The following SGMS1 variants were observed in gnomAD, a reference collection of about 807,000 sequenced individuals.
SGMS1 encodes phosphatidylcholine:ceramide cholinephosphotransferase 1.
In SGMS1, 13 loss-of-function variants were observed where a neutral mutation model predicts 46.2. The observed-to-expected ratio is 0.28, with a 90% CI of 0.18 to 0.45. The LOEUF (loss-of-function observed/expected upper bound fraction) is 0.45, where lower values mean the gene tolerates loss of function less well. Among genes scored for constraint, SGMS1 ranks in the 20% least tolerant of loss-of-function variants. The pLI, the probability that SGMS1 is intolerant of heterozygous loss-of-function variation, is 1.00. For missense variants in SGMS1, 324 were observed against 519.9 expected, an observed-to-expected ratio of 0.62 and a Z score of 3.66; for synonymous variants, 203 against 187.8, an observed-to-expected ratio of 1.08 and a Z score of -0.66.
chr10:50,514,146 C>T (rs1025106007), intron 3 of SGMS1, among the ~76,000 whole-genome samples: 5 of 152,222 alleles, frequency 3.3e-5, no homozygotes, highest in South Asian at 2.1e-4. Context: ...GCCAACATGT[C>T]GTTGTGTTTT....
In SGMS1 at chr10:50,556,605, C is replaced by T. The variant is rs1838191231; in HGVS notation, c.-589+33548G>A. ...CACAATGAGCCAAGGGAACAATCAT[C>T]AGAGGTAAGATCAGAGAGACCCCGT... is the stretch of plus-strand genomic sequence containing the variant. On this transcript the variant is annotated intron_variant, in intron 2 of 10. Coordinates refer to ENST00000361781, the MANE Select transcript of SGMS1 (RefSeq NM_147156.4). Among the ~76,000 whole-genome samples, 7 of 152,248 alleles carry T rather than the reference C, an allele frequency of 4.6e-5. No individual in the cohort carries two copies. The South Asian group carries it at 1.5e-3, about 32-fold the overall frequency.
chr10:50,395,395 T>C lies in SGMS1; in HGVS notation c.-232+38081A>G, dbSNP rs538513799. Reference sequence around the variant, plus strand: ...GGATTAGTTACCCCTCACTCAGACATACTGATGCATGTGGATGATTAAGCA... The same window carrying C: ...GGATTAGTTACCCCTCACTCAGACACACTGATGCATGTGGATGATTAAGCA... On this transcript the variant is annotated intron_variant, in intron 6 of 10. Coordinates refer to ENST00000361781, the MANE Select transcript of SGMS1 (RefSeq NM_147156.4). Among the ~76,000 whole-genome samples, 8 of 152,280 alleles carry C rather than the reference T, an allele frequency of 5.3e-5. No individual in the cohort carries two copies. In the East Asian group the frequency reaches 1.5e-3, roughly 29 times the overall value.
chr10:50,550,526 C>CT (rs1358829502), intron 2 of SGMS1, among the ~76,000 whole-genome samples: 1 of 152,216 alleles, frequency 6.6e-6, no homozygotes, highest in Non-Finnish European at 1.5e-5. Context: ...CCAGCCTTAT[C>CT]TTCTACTGCC....
intron 6 of SGMS1, among the ~76,000 whole-genome samples, chr10:50,369,289 C>T (rs2574945): frequency 0.12 from 18,846 of 152,118 alleles, 1,336 homozygotes; most frequent in Middle Eastern, 0.22. Context: ...TTTGAGCCTA[C>T]GAGTTCAAGA....
At chr10:50,613,291 G>T (rs1838767097) in intron 1 of SGMS1, among the ~76,000 whole-genome samples, 1 of 152,210 alleles carries the variant, frequency 6.6e-6, no homozygotes, top group African/African-American at 2.4e-5. Context: ...AGGGAGGCTA[G>T]GTGTGCAGCT....
intron 3 of SGMS1, among the ~76,000 whole-genome samples, chr10:50,485,000 C>G (rs1837507609): frequency 6.6e-6 from 1 of 152,290 alleles, no homozygotes; most frequent in South Asian, 2.1e-4. Flanking sequence ...CAAGGATGCC[C>G]TCTCTCACCA....
At chr10:50,354,500 C>G (rs1392428643) in intron 6 of SGMS1, among the ~76,000 whole-genome samples, 1 of 152,050 alleles carries the variant, frequency 6.6e-6, no homozygotes, top group Non-Finnish European at 1.5e-5. Context: ...AGAAGAAAAC[C>G]TAGGCAATAC....
chr10:50,376,781 C>T (rs914416351), intron 6 of SGMS1, among the ~76,000 whole-genome samples: 1 of 152,154 alleles, frequency 6.6e-6, no homozygotes, highest in Non-Finnish European at 1.5e-5. Context: ...CTTGTGGCTG[C>T]ATAGTATTCC....
chr10:50,508,882 C>T (rs988645430), intron 3 of SGMS1, among the ~76,000 whole-genome samples: 6 of 152,178 alleles, frequency 3.9e-5, no homozygotes, highest in Non-Finnish European at 8.8e-5. Context: ...TCCCCTGTTG[C>T]TGAAGTTTAG....
chr10:50,455,854 C>T (rs1217253295), intron 5 of SGMS1, among the ~76,000 whole-genome samples: 1 of 152,160 alleles, frequency 6.6e-6, no homozygotes, highest in Non-Finnish European at 1.5e-5. Context: ...ACAGGTTATA[C>T]CTTCCACCAC....
At chr10:50,365,546 A>C (rs573568987) in intron 6 of SGMS1, among the ~76,000 whole-genome samples, 1 of 151,880 alleles carries the variant, frequency 6.6e-6, no homozygotes, top group African/African-American at 2.4e-5. Flanking sequence ...TAAGTACCAC[A>C]TGCATTTGTT....
chr10:50,415,735 C>T (rs573652187), intron 6 of SGMS1, among the ~76,000 whole-genome samples: 3 of 152,312 alleles, frequency 2.0e-5, no homozygotes, highest in African/African-American at 7.2e-5. Flanking sequence ...ACTTTCTCAC[C>T]TCCACATAAC....
intron 6 of SGMS1, among the ~76,000 whole-genome samples, chr10:50,388,639 A>G (rs117134723): frequency 0.011 from 1,665 of 152,212 alleles, 14 homozygotes; most frequent in Non-Finnish European, 0.017. Context: ...AAACAAAAAC[A>G]GAAGTCCAAA....
chr10:50,332,750 G>A (rs970511353), intron 7 of SGMS1, among the ~76,000 whole-genome samples: 1 of 150,078 alleles, frequency 6.7e-6, no homozygotes, highest in African/African-American at 2.5e-5. Flanking sequence ...AGCCTCCTGA[G>A]TATCTGGGAT....
intron 6 of SGMS1, among the ~76,000 whole-genome samples, chr10:50,404,996 T>A (rs1848993566): frequency 6.6e-6 from 1 of 152,058 alleles, no homozygotes. Context: ...ATTAAAAATG[T>A]AAAAAGCCAA....
At chr10:50,614,713 T>G (rs1212226678) in intron 1 of SGMS1, among the ~76,000 whole-genome samples, 2 of 152,260 alleles carry the variant, frequency 1.3e-5, no homozygotes, top group Non-Finnish European at 2.9e-5. Context: ...GTCATGGGAA[T>G]GCCCTGCTGG....
At chr10:50,525,233 C>T (rs1837890573) in intron 2 of SGMS1, among the ~76,000 whole-genome samples, 1 of 152,170 alleles carries the variant, frequency 6.6e-6, no homozygotes, top group African/African-American at 2.4e-5. Context: ...TTGGCTCCTA[C>T]ACAAATTGAA....
At chr10:50,601,588 T>A (rs921985129) in intron 1 of SGMS1, among the ~76,000 whole-genome samples, 5 of 152,196 alleles carry the variant, frequency 3.3e-5, no homozygotes, top group African/African-American at 7.2e-5. Flanking sequence ...ACCCTAGGCC[T>A]TGCAGCCAAT....
rs574138677 is a variant in SGMS1, at chr10:50,568,409, G to A, written c.-589+21744C>T. On this transcript the variant is annotated intron_variant, in intron 2 of 10. Transcript: ENST00000361781. Reference sequence around the variant, plus strand: ...TTTTGAGCCAAAGGGAGCCACCAGCGTCCCTTGCTGTCTACCCTCCAGTTG... The same window carrying A: ...TTTTGAGCCAAAGGGAGCCACCAGCATCCCTTGCTGTCTACCCTCCAGTTG... 1.3e-4 allele frequency among the ~76,000 whole-genome samples: 20 copies of A among 152,280 alleles called. No homozygotes were observed. The South Asian group carries it at 3.5e-3, about 27-fold the overall frequency.
Sources: allele counts gnomAD v4.1 joint callset (sites outside exome capture counted in the v4.1 genomes callset), GRCh38; gene constraint gnomAD v4.1.1; transcripts MANE v1.5; gene names NCBI Gene and HGNC (gene_info 2026-07-23, HGNC 2026-07-21).